CDH13: variants seen among roughly 807,000 people sequenced by gnomAD.
CDH13 encodes the protein cadherin 13.
A neutral mutation model predicts 63.8 loss-of-function variants in CDH13; 24 were observed. The ratio of observed to expected loss-of-function variants is 0.38; its 90% CI spans 0.27 to 0.53. The LOEUF (loss-of-function observed/expected upper bound fraction) is 0.53, where lower values mean the gene tolerates loss of function less well. Ranked by LOEUF, CDH13 falls within the 20% of genes least tolerant of loss-of-function variation. CDH13 has a pLI of 0.85. For missense variants in CDH13, 1,049 were observed against 903.1 expected (o/e 1.16, Z -2.07); for synonymous variants, 503 against 355.3 (o/e 1.42, Z -4.67).
intron 4 of CDH13, among the ~76,000 whole-genome samples, chr16:83,126,454 G>GC (rs1282605208): frequency 2.6e-5 from 4 of 152,172 alleles, no homozygotes; most frequent in African/African-American, 9.7e-5. Context: ...TCAGGGCACG[G>GC]CAAAGGCGGG....
chr16:82,664,059 A>G (rs1912298392), intron 1 of CDH13, among the ~76,000 whole-genome samples: 1 of 152,176 alleles, frequency 6.6e-6, no homozygotes, highest in Non-Finnish European at 1.5e-5. Flanking sequence ...TATTCTGCGG[A>G]AATATTACTT....
chr16:83,504,882 A>G (rs148070426), intron 7 of CDH13, among the ~76,000 whole-genome samples: 21 of 152,352 alleles, frequency 1.4e-4, no homozygotes, highest in African/African-American at 5.1e-4. Flanking sequence ...CTGCCAGGTA[A>G]GTCTCATGGT....
chr16:83,100,527 C>G (rs1022244273), intron 3 of CDH13, among the ~76,000 whole-genome samples: 1 of 152,150 alleles, frequency 6.6e-6, no homozygotes, highest in Non-Finnish European at 1.5e-5. Context: ...ATTTCTGTAG[C>G]GGGCAGAAGC....
intron 1 of CDH13, among the ~76,000 whole-genome samples, chr16:82,741,640 T>C (rs1292561246): frequency 6.6e-6 from 1 of 152,128 alleles, no homozygotes; most frequent in Non-Finnish European, 1.5e-5. Flanking sequence ...AAGAAGGAGA[T>C]TTTAAAAATA....
intron 1 of CDH13, among the ~76,000 whole-genome samples, chr16:82,761,142 T>G (rs150458645): frequency 8.3e-5 from 12 of 144,938 alleles, no homozygotes; most frequent in African/African-American, 3.0e-4. Context: ...TCCTGCCTCA[T>G]CCTCCCAAGT....
chr16:83,505,284 C>T lies in CDH13; in HGVS notation c.960+18629C>T, dbSNP rs190210283. Among the ~76,000 whole-genome samples, 13 of 152,264 alleles carry T rather than the reference C, an allele frequency of 8.5e-5. No homozygotes were observed. The East Asian group carries it at 1.2e-3, about 14-fold the overall frequency. Reference sequence around the variant, plus strand: ...ATGCCTAGCGGGCGTTAGCCTACAACGAAGGATAATTCAATCTATCCTCAC... The same window carrying T: ...ATGCCTAGCGGGCGTTAGCCTACAATGAAGGATAATTCAATCTATCCTCAC... On this transcript the variant is annotated intron_variant, in intron 7 of 13. Coordinates refer to ENST00000567109, the MANE Select transcript of CDH13 (RefSeq NM_001257.5).
Position 83,613,036 on chromosome 16 carries a change from G to C in CDH13, c.1101+10442G>C, listed in dbSNP as rs554909846. Among the ~76,000 whole-genome samples the C allele has an allele frequency of 2.7e-3, 415 of 152,154 alleles. 7 individuals carry two copies. The highest frequency in any genetic ancestry group is 1.0e-3 in the Non-Finnish European group (69 of 67,986). On this transcript the variant is annotated intron_variant, in intron 8 of 13. Transcript: ENST00000567109. The stretch of plus-strand genomic sequence containing the variant: ...TATCTAAAAAATGTCTTTTTTGCCA[G>C]AATTTTTGAAGAATATTTTCACTGG...
intron 10 of CDH13, among the ~76,000 whole-genome samples, chr16:83,738,643 C>A (rs909914980): frequency 6.6e-6 from 1 of 152,252 alleles, no homozygotes; most frequent in Non-Finnish European, 1.5e-5. Flanking sequence ...TGTGGTGGCT[C>A]AAGCCTGTAA....
intron 1 of CDH13, among the ~76,000 whole-genome samples, chr16:82,728,273 C>T (rs1332092173): frequency 1.3e-5 from 2 of 152,106 alleles, no homozygotes; most frequent in Non-Finnish European, 2.9e-5. Context: ...AAAATAAATA[C>T]TAATCTCCTC....
Position 82,658,839 on chromosome 16 carries a change from T to C in CDH13, c.45+31702T>C, listed in dbSNP as rs527316972. Among the ~76,000 whole-genome samples, 7 of 152,336 alleles carry C rather than the reference T, an allele frequency of 4.6e-5. 1 individual carries two copies. In the South Asian group the frequency reaches 1.2e-3, roughly 27 times the overall value. ...GCCCATAGAAGAAAACATACATTTT[T>C]CCCTGTTTGTGGGTATGTATGGAAG... On this transcript the variant is annotated intron_variant, in intron 1 of 13. Transcript: ENST00000567109.
chr16:83,617,493 A>T (rs8052723), intron 8 of CDH13, among the ~76,000 whole-genome samples: 50,021 of 151,312 alleles, frequency 0.33, 8,456 homozygotes, highest in East Asian at 0.46. Context: ...TATTGTAATA[A>T]GCACATATCC....
intron 1 of CDH13, among the ~76,000 whole-genome samples, chr16:82,650,760 G>C (rs1401860761): frequency 2.6e-5 from 4 of 152,194 alleles, no homozygotes; most frequent in Non-Finnish European, 1.5e-5. Context: ...CTGAGGCTGA[G>C]CCACTGGAGA....
chr16:83,676,506 G>A (rs183720626), intron 9 of CDH13, among the ~76,000 whole-genome samples: 82 of 152,294 alleles, frequency 5.4e-4, no homozygotes, highest in Non-Finnish European at 8.7e-4. Flanking sequence ...TTACTTTACC[G>A]AAGTTGCACA....
intron 4 of CDH13, among the ~76,000 whole-genome samples, chr16:83,211,941 T>C (rs1170152244): frequency 6.6e-6 from 1 of 151,808 alleles, no homozygotes; most frequent in Non-Finnish European, 1.5e-5. Context: ...TGAAAAGAAG[T>C]GTGGAATTAC....
At chr16:83,710,206 G>A (rs752962629) in intron 10 of CDH13, 2 of 152,316 alleles carry the variant, frequency 1.3e-5, no homozygotes, top group East Asian at 1.9e-4. Context: ...TGAAGTTGCC[G>A]CTTCTCCACT....
At chr16:83,073,210 C>T (rs1030925075) in intron 3 of CDH13, among the ~76,000 whole-genome samples, 4 of 151,928 alleles carry the variant, frequency 2.6e-5, no homozygotes, top group African/African-American at 4.8e-5. Flanking sequence ...GAGTACAGGT[C>T]GTCTGGTTCC....
intron 10 of CDH13, among the ~76,000 whole-genome samples, chr16:83,691,245 G>C (rs541638454): frequency 1.1e-4 from 17 of 152,142 alleles, no homozygotes; most frequent in Non-Finnish European, 2.4e-4. Context: ...CTTGTGGGAG[G>C]AAAGTACAGG....
intron 1 of CDH13, among the ~76,000 whole-genome samples, chr16:82,732,453 A>G (rs2033453300): frequency 6.6e-6 from 1 of 152,186 alleles, no homozygotes; most frequent in Non-Finnish European, 1.5e-5. Context: ...AGGTATAGTA[A>G]TTATTTCTCA....
chr16:83,057,037 G>C (rs143112628), intron 3 of CDH13, among the ~76,000 whole-genome samples: 6,073 of 152,234 alleles, frequency 0.04, 173 homozygotes, highest in Non-Finnish European at 0.058. Flanking sequence ...TGCATTCTCA[G>C]CTCACTGCAA....
Sources: gnomAD v4.1 joint callset for allele counts (sites outside exome capture counted in the v4.1 genomes callset) on GRCh38, gnomAD v4.1.1 for gene constraint, MANE v1.5 for transcripts, NCBI Gene and HGNC (gene_info 2026-07-23, HGNC 2026-07-21) for gene names.